Variants in MAP2K1 observed in about 807,000 individuals in gnomAD.
MAP2K1 encodes mitogen-activated protein kinase kinase 1.
Under a neutral mutation model 46.3 loss-of-function variants are expected in MAP2K1, and 16 were observed. The observed-to-expected ratio is 0.35, with a 90% CI of 0.23 to 0.52. The LOEUF (loss-of-function observed/expected upper bound fraction) is 0.52. Ranked by LOEUF, MAP2K1 falls within the 20% of genes least tolerant of loss-of-function variation. The probability of loss-of-function intolerance (pLI) is 0.94; values close to 1 mark genes in which losing one functional copy is unlikely to be tolerated. For synonymous variants in MAP2K1, 183 were observed against 185.6 expected (o/e 0.99, Z 0.11); for missense variants, 263 against 497.1 (o/e 0.53, Z 4.48).
rs2140667933 is a variant in MAP2K1, at chr15:66,481,831, C to G, written c.645C>G (p.Leu215=). Residue 215 remains leucine, a synonymous_variant, in exon 6 of 11, where the codon CTC becomes CTG. Transcript: ENST00000307102. ...GTGACTTTGGGGTCAGCGGGCAGCT[C>G]ATCGACTCCATGGCCAACTCCTTCG... ...KLCDFGVSGQ[L]IDSMANSFVG... 6.2e-7 allele frequency: 1 copy of G among 1,614,050 alleles called. No individual in the cohort carries two copies. Among genetic ancestry groups the G allele is most frequent in the African/African-American group, 1.3e-5 (1 of 75,046 alleles).
At chr15:66,482,895 G>A (rs1312086571) in intron 6 of MAP2K1, among the ~76,000 whole-genome samples, 1 of 152,156 alleles carries the variant, frequency 6.6e-6, no homozygotes, top group Non-Finnish European at 1.5e-5. Flanking sequence ...AGGCCCGCGT[G>A]GAGAGGGGGA....
chr15:66,418,396 A>G (rs2093429390), intron 1 of MAP2K1, among the ~76,000 whole-genome samples: 1 of 152,206 alleles, frequency 6.6e-6, no homozygotes, highest in African/African-American at 2.4e-5. Flanking sequence ...TTCCTGATTG[A>G]TAGACCAGCA....
intron 5 of MAP2K1, chr15:66,453,653 A>AT (rs1414664679): frequency 1.9e-5 from 12 of 638,186 alleles, no homozygotes; most frequent in Non-Finnish European, 3.4e-5. Context: ...TGTTCTAAAT[A>AT]TATTCTTCAC....
intron 1 of MAP2K1, among the ~76,000 whole-genome samples, chr15:66,421,091 CAT>C (rs1457973793): frequency 0.042 from 2,285 of 54,754 alleles, 66 homozygotes; most frequent in African/African-American, 0.14. Flanking sequence ...CATACACACA[CAT>C]ACACACACAC....
intron 3 of MAP2K1, among the ~76,000 whole-genome samples, chr15:66,442,114 C>G (rs910785153): frequency 1.3e-5 from 2 of 152,216 alleles, no homozygotes; most frequent in African/African-American, 4.8e-5. Flanking sequence ...CTGCCTCTGT[C>G]CGGCACCCCA....
At chr15:66,415,148 C>T in intron 1 of MAP2K1, 1 of 525,522 alleles carries the variant, frequency 1.9e-6, no homozygotes, top group Admixed American at 1.9e-5. Context: ...GGCAGCTCCC[C>T]TAGTTTGACC....
chr15:66,487,078 C>A (rs549606057), intron 7 of MAP2K1, 150 bp from the exon 8 acceptor site: 9 of 679,326 alleles, frequency 1.3e-5, no homozygotes, highest in Non-Finnish European at 2.1e-5. Flanking sequence ...CTTTGCTGGT[C>A]CCCTCTGTGT....
intron 5 of MAP2K1, among the ~76,000 whole-genome samples, chr15:66,464,612 C>T (rs1253473134): frequency 2.0e-5 from 3 of 151,988 alleles, no homozygotes; most frequent in Non-Finnish European, 4.4e-5. Context: ...GCAACCTCTG[C>T]CTTCCGGGTT....
At position 66,420,715 on chromosome 15, in the gene MAP2K1, A is replaced by ATATATATATATATATATG. The variant is rs1174431450; in HGVS notation, c.81-14305_81-14304insATATATATATGTATATAT. 8.8e-5 allele frequency among the ~76,000 whole-genome samples: 3 copies of ATATATATATATATATATG among 33,974 alleles called. 1 individual carries two copies. Among genetic ancestry groups the ATATATATATATATATATG allele is most frequent in the Non-Finnish European group, 1.9e-4 (3 of 15,798 alleles). The allele number at this position is 33,974 out of a possible 152,430, so 22.3% of individuals were successfully genotyped here. ...TAATACTTACTCTTGGCATATATAT[A>ATATATATATATATATATG]TATATATGTGTGTGTGTGTGTGTGT... On this transcript the variant is annotated intron_variant, in intron 1 of 10. Transcript: ENST00000307102.
At chr15:66,490,260 G>A in intron 10 of MAP2K1, 1 of 648,416 alleles carries the variant, frequency 1.5e-6, no homozygotes. Context: ...CAGAGTTACT[G>A]TCTCCATACT....
At chr15:66,469,245 G>A (rs1456352838) in intron 5 of MAP2K1, among the ~76,000 whole-genome samples, 1 of 152,210 alleles carries the variant, frequency 6.6e-6, no homozygotes, top group Non-Finnish European at 1.5e-5. Flanking sequence ...GACAGAGCAA[G>A]ACTCCGTCTC....
In MAP2K1 at chr15:66,411,626, A is replaced by G. The variant is rs116416692; in HGVS notation, c.81-23401A>G. On this transcript the variant is annotated intron_variant, in intron 1 of 10. Coordinates refer to ENST00000307102, the MANE Select transcript of MAP2K1 (RefSeq NM_002755.4). ...AGCTAATAACTCAAGTTTAAGATCC[A>G]CTAGAGTGTTGTTTCAATAGATTTT... Among the ~76,000 whole-genome samples the G allele has an allele frequency of 7.8e-3, 1,193 of 152,320 alleles. 11 individuals carry two copies. Among genetic ancestry groups the G allele is most frequent in the African/African-American group, 0.027 (1,118 of 41,554 alleles).
chr15:66,472,393 GATGGAACC>G (rs1892659297), intron 5 of MAP2K1, among the ~76,000 whole-genome samples: 1 of 152,126 alleles, frequency 6.6e-6, no homozygotes, highest in East Asian at 1.9e-4. Flanking sequence ...CTGTCTACCA[GATGGAACC>G]ATGGTTTCCT....
intron 1 of MAP2K1, among the ~76,000 whole-genome samples, chr15:66,392,245 T>G (rs1349024996): frequency 1.5e-4 from 10 of 66,028 alleles, no homozygotes; most frequent in East Asian, 4.1e-4. Context: ...TATTTGTGTG[T>G]TTTTTTTGGG....
chr15:66,406,181 A>C (rs1021218579), intron 1 of MAP2K1, among the ~76,000 whole-genome samples: 1 of 152,244 alleles, frequency 6.6e-6, no homozygotes, highest in African/African-American at 2.4e-5. Flanking sequence ...CTTTTGCTGA[A>C]ATGGAAAAAG....
chr15:66,469,035 A>G (rs955021828), intron 5 of MAP2K1, among the ~76,000 whole-genome samples: 1 of 150,552 alleles, frequency 6.6e-6, no homozygotes, highest in East Asian at 2.0e-4. Context: ...AGGCGGGTGG[A>G]TCATGAGGTC....
rs571144374 is a variant in MAP2K1 at position 66,491,475 on chromosome 15, G to C, written c.*860G>C. On this transcript the variant is annotated 3_prime_UTR_variant, in exon 11 of 11. Coordinates refer to ENST00000307102, the MANE Select transcript of MAP2K1 (RefSeq NM_002755.4). ...AAATCCTTTTAACCATTTTAACCTA[G>C]ATGTTTAACAAATCTAATCTCTTAT... The C allele has an allele frequency of 9.4e-6, 2 of 213,614 alleles. No homozygotes were observed. The highest frequency in any genetic ancestry group is 4.5e-5 in the African/African-American group (2 of 44,162). 13.2% of individuals were successfully genotyped at this position (213,614 alleles called of 1,614,324 possible). A position where few individuals can be genotyped will look rare whatever the true frequency, so the allele number is the denominator to read the frequency against.
chr15:66,391,782 A>G (rs2093356665), intron 1 of MAP2K1, among the ~76,000 whole-genome samples: 1 of 151,798 alleles, frequency 6.6e-6, no homozygotes. Flanking sequence ...TTAGTCACCC[A>G]CTCAACCATT....
chr15:66,436,276 G>C (rs570117140), intron 2 of MAP2K1, among the ~76,000 whole-genome samples: 1 of 152,228 alleles, frequency 6.6e-6, no homozygotes, highest in African/African-American at 2.4e-5. Context: ...TCCCCAGCTG[G>C]AACAAGGGAA....
Sources: allele counts gnomAD v4.1 joint callset (sites outside exome capture counted in the v4.1 genomes callset), GRCh38; gene constraint gnomAD v4.1.1; transcripts MANE v1.5; gene names NCBI Gene and HGNC (gene_info 2026-07-23, HGNC 2026-07-21).